MAP2: variants seen among roughly 807,000 people sequenced by gnomAD.
MAP2 encodes microtubule-associated protein 2.
MAP2 carries 14 observed loss-of-function variants against 137.6 expected under a neutral mutation model. The ratio of observed to expected loss-of-function variants is 0.10; its 90% CI spans 0.07 to 0.16. The LOEUF (loss-of-function observed/expected upper bound fraction) is 0.16, where lower values mean the gene tolerates loss of function less well. Among genes scored for constraint, MAP2 ranks in the 10% least tolerant of loss-of-function variants. MAP2 has a pLI of 1.00. For synonymous variants in MAP2, 786 were observed against 782.3 expected, an observed-to-expected ratio of 1.00 and a Z score of -0.08; for missense variants, 2,088 against 2,191.5, an observed-to-expected ratio of 0.95 and a Z score of 0.94.
intron 4 of MAP2, among the ~76,000 whole-genome samples, chr2:209,634,340 G>A (rs1174448934): frequency 6.6e-6 from 1 of 152,166 alleles, no homozygotes; most frequent in East Asian, 1.9e-4. Flanking sequence ...ATCTAGAAAT[G>A]TGTTATAACT....
At position 209,693,102 on chromosome 2, in the gene MAP2, C is replaced by A; in HGVS notation, c.932C>A (p.Ser311Tyr). Residue 311 changes from serine (S) to tyrosine (Y), a missense_variant, in exon 8 of 16, where the codon TCT becomes TAT. Physicochemically the swap from Ser to Tyr is moderately radical, Grantham distance 144. Transcript: ENST00000682079. The stretch of plus-strand genomic sequence containing the variant: ...AAATGGGAAGGGAAACAGTTTGATT[C>A]TCCCATGCCAAGTCCCTTTCAAGGG... ...IPKWEGKQFD[S>Y]PMPSPFQGGS... The A allele has an allele frequency of 6.2e-7, 1 of 1,613,260 alleles. No homozygotes were observed.
intron 2 of MAP2, among the ~76,000 whole-genome samples, chr2:209,546,230 A>G (rs2068039017): frequency 6.6e-6 from 1 of 152,180 alleles, no homozygotes; most frequent in South Asian, 2.1e-4. Flanking sequence ...ATGTGTATGG[A>G]TGTTTTTATA....
intron 1 of MAP2, among the ~76,000 whole-genome samples, chr2:209,460,631 T>A (rs192033461): frequency 5.9e-5 from 9 of 152,118 alleles, no homozygotes; most frequent in Admixed American, 5.2e-4. Context: ...TCTTTATTTT[T>A]TTCTCTTTCT....
intron 1 of MAP2, among the ~76,000 whole-genome samples, chr2:209,451,923 G>A (rs1575152819): frequency 6.6e-6 from 1 of 152,056 alleles, no homozygotes; most frequent in Admixed American, 6.5e-5. Flanking sequence ...CCTTGTTACT[G>A]ACCACACAAT....
At chr2:209,669,495 G>A (rs186714047) in intron 5 of MAP2, among the ~76,000 whole-genome samples, 1 of 152,156 alleles carries the variant, frequency 6.6e-6, no homozygotes, top group East Asian at 1.9e-4. Flanking sequence ...AAAGATCTGT[G>A]TTTACAGAGG....
chr2:209,617,583 A>G (rs1312798893), intron 3 of MAP2, among the ~76,000 whole-genome samples: 1 of 152,154 alleles, frequency 6.6e-6, no homozygotes. Flanking sequence ...AAGTTTGGTC[A>G]AGGAGAGACT....
At chr2:209,652,717 C>T (rs991739027) in intron 4 of MAP2, among the ~76,000 whole-genome samples, 2 of 152,090 alleles carry the variant, frequency 1.3e-5, no homozygotes, top group African/African-American at 2.4e-5. Context: ...TTTTCTAGCC[C>T]GTTTTCTCAT....
chr2:209,547,627 G>T (rs1222240264), intron 2 of MAP2, among the ~76,000 whole-genome samples: 1 of 152,100 alleles, frequency 6.6e-6, no homozygotes, highest in East Asian at 1.9e-4. Flanking sequence ...CTACTTATTT[G>T]TGGTGTATCT....
intron 1 of MAP2, among the ~76,000 whole-genome samples, chr2:209,453,296 TAAGAA>T (rs1700720623): frequency 1.3e-5 from 2 of 152,314 alleles, no homozygotes; most frequent in South Asian, 4.1e-4. Context: ...TTTCTTTGTT[TAAGAA>T]ATTAATGACA....
intron 2 of MAP2, among the ~76,000 whole-genome samples, chr2:209,562,159 C>T (rs1471989291): frequency 2.0e-5 from 3 of 152,060 alleles, no homozygotes; most frequent in South Asian, 2.1e-4. Flanking sequence ...TAATTTTGCT[C>T]AGTGACTAGA....
At chr2:209,616,036 C>T (rs539965006) in intron 3 of MAP2, among the ~76,000 whole-genome samples, 27 of 152,336 alleles carry the variant, frequency 1.8e-4, no homozygotes, top group African/African-American at 6.0e-4. Context: ...CCCCTGTCCA[C>T]TGAAAGCTAT....
At chr2:209,509,853 G>T (rs2061517085) in intron 2 of MAP2, among the ~76,000 whole-genome samples, 1 of 151,906 alleles carries the variant, frequency 6.6e-6, no homozygotes, top group African/African-American at 2.4e-5. Flanking sequence ...ATTCTGTGAT[G>T]CATGTAATTT....
chr2:209,645,410 T>C (rs1483076012), intron 4 of MAP2, among the ~76,000 whole-genome samples: 1 of 152,128 alleles, frequency 6.6e-6, no homozygotes. Flanking sequence ...GCTTGAATGA[T>C]AATTTAAAAA....
At position 209,692,761 on chromosome 2, in the gene MAP2, A is replaced by G. The variant is rs777530519; in HGVS notation, c.591A>G (p.Leu197=). ...KPGEDLKHAA[L]VSQPETTKTY... is the part of the protein sequence containing the mutation. Reference sequence around the variant, plus strand: ...GTGAAGACCTTAAACATGCTGCCTTAGTTTCTCAGCCAGAGACAACTAAAA... The same window carrying G: ...GTGAAGACCTTAAACATGCTGCCTTGGTTTCTCAGCCAGAGACAACTAAAA... Residue 197 remains leucine, a synonymous_variant, in exon 8 of 16, where the codon TTA becomes TTG. Transcript: ENST00000682079. The G allele has an allele frequency of 4.3e-6, 7 of 1,614,106 alleles. No homozygotes were observed. Among genetic ancestry groups the G allele is most frequent in the Non-Finnish European group, 5.1e-6 (6 of 1,179,976 alleles).
chr2:209,527,369 T>C (rs2150495427), intron 2 of MAP2, among the ~76,000 whole-genome samples: 1 of 152,318 alleles, frequency 6.6e-6, no homozygotes, highest in Non-Finnish European at 1.5e-5. Context: ...CCCTAACATC[T>C]AGCCAAGTTT....
At chr2:209,628,572 C>T (rs761583913) in intron 4 of MAP2, among the ~76,000 whole-genome samples, 4 of 152,244 alleles carry the variant, frequency 2.6e-5, no homozygotes, top group East Asian at 1.9e-4. Context: ...TGTTCTTCTA[C>T]AGTCTATTGT....
At position 209,693,993 on chromosome 2, in the gene MAP2, C is replaced by T. The variant is rs749522751; in HGVS notation, c.1823C>T (p.Thr608Ile). 3.1e-6 allele frequency: 5 copies of T among 1,613,980 alleles called. No individual in the cohort carries two copies. The South Asian group carries it at 5.5e-5, about 18-fold the overall frequency. The change falls in exon 8 of 16, where the codon ACC becomes ATC. Residue 608 changes from threonine (T) to isoleucine (I), a missense_variant. Thr to Ile is a moderately conservative substitution (Grantham distance 89). This residue lies in a region of MAP2 where 859 missense variants were observed against 794.5 expected (regional missense o/e 1.08). Transcript: ENST00000682079. ...TRESVHESID[T>I]MSPMHKNGDK... The stretch of plus-strand genomic sequence containing the variant: ...GAAAGTGTCCATGAGTCTATTGATA[C>T]CATGTCTCCCATGCATAAAAATGGT...
chr2:209,679,420 G>A (rs1254901858), intron 6 of MAP2, among the ~76,000 whole-genome samples: 1 of 152,032 alleles, frequency 6.6e-6, no homozygotes, highest in Non-Finnish European at 1.5e-5. Context: ...TAGATAGAGA[G>A]ATGGATGTAT....
At position 209,716,536 on chromosome 2, in the gene MAP2, A is replaced by AT. The variant is rs576199930; in HGVS notation, c.5073+6290dup. ...TAAAAACATTTTGAGATTTTTTGTGATTTTTTTTAGCTCATCAGCTATGAT... is the reference window on the plus strand; with the variant it reads ...TAAAAACATTTTGAGATTTTTTGTGATTTTTTTTTAGCTCATCAGCTATGAT... On this transcript the variant is annotated intron_variant, in intron 13 of 15. Coordinates refer to ENST00000682079, the MANE Select transcript of MAP2 (RefSeq NM_001375505.1). Among the ~76,000 whole-genome samples the AT allele has an allele frequency of 2.5e-4, 38 of 152,072 alleles. No homozygotes were observed. The East Asian group carries it at 2.7e-3, about 11-fold the overall frequency.
Sources: allele counts gnomAD v4.1 joint callset (sites outside exome capture counted in the v4.1 genomes callset), GRCh38; gene constraint gnomAD v4.1.1; regional missense constraint gnomAD v4.1.1; transcripts MANE v1.5; gene names NCBI Gene and HGNC (gene_info 2026-07-23, HGNC 2026-07-21).